MATCAP2: variants seen among roughly 807,000 people sequenced by gnomAD.
MATCAP2 encodes microtubule associated tyrosine carboxypeptidase 2.
At chr7:36,335,230 G>T in the MATCAP2 span, 1 of 1,547,606 alleles carries the variant, frequency 6.5e-7, no homozygotes, top group Non-Finnish European at 8.9e-7. Flanking sequence ...ATAAAGGTAA[G>T]GGGAGAAGCT....
At chr7:36,389,917 C>T in the MATCAP2 span, 94 of 1,597,180 alleles carry the variant, frequency 5.9e-5, no homozygotes, top group Non-Finnish European at 7.7e-5. Flanking sequence ...AGAGTTCCCC[C>T]GCCTCAGACT....
At chr7:36,356,560 G>A in the MATCAP2 span, 31 of 424,246 alleles carry the variant, frequency 7.3e-5, no homozygotes, top group East Asian at 1.9e-4. Flanking sequence ...AAACAAAAAC[G>A]TAGTGTGGGC....
chr7:36,367,989 C>T, the MATCAP2 span, among the ~76,000 whole-genome samples: 1 of 151,520 alleles, frequency 6.6e-6, no homozygotes, highest in Admixed American at 6.6e-5. Flanking sequence ...TGCTTGAGTC[C>T]GAGAGGTGAG....
the MATCAP2 span, chr7:36,326,218 T>C: frequency 2.0e-5 from 3 of 152,050 alleles, no homozygotes; most frequent in East Asian, 5.8e-4. Context: ...TAATGAAAAA[T>C]TTTCAAATTG....
chr7:36,324,943 AAAGT>A, the MATCAP2 span: 1 of 152,254 alleles, frequency 6.6e-6, no homozygotes, highest in South Asian at 2.1e-4. Flanking sequence ...TTTAAATCAT[AAAGT>A]AAGATTAGCA....
At chr7:36,378,175 G>T in the MATCAP2 span, among the ~76,000 whole-genome samples, 1 of 152,208 alleles carries the variant, frequency 6.6e-6, no homozygotes, top group Non-Finnish European at 1.5e-5. Flanking sequence ...CTTTAGAGAA[G>T]AGGTGCTCTG....
At chr7:36,343,636 AAAAG>A in the MATCAP2 span, among the ~76,000 whole-genome samples, 2 of 25,716 alleles carry the variant, frequency 7.8e-5, no homozygotes, top group Non-Finnish European at 1.0e-4. Flanking sequence ...AAAGAAAAGA[AAAAG>A]AAAAAGAAAA....
chr7:36,354,033 T>C, the MATCAP2 span, among the ~76,000 whole-genome samples: 2 of 152,250 alleles, frequency 1.3e-5, no homozygotes, highest in African/African-American at 4.8e-5. Flanking sequence ...TTAGCACCTA[T>C]GAAGCACTGT....
the MATCAP2 span, among the ~76,000 whole-genome samples, chr7:36,364,044 CT>C: frequency 7.7e-3 from 1,077 of 140,226 alleles, 11 homozygotes; most frequent in East Asian, 0.042. Context: ...ATAATAAACC[CT>C]TTTTTTTTTT....
At chr7:36,385,777 C>A in the MATCAP2 span, among the ~76,000 whole-genome samples, 1 of 121,624 alleles carries the variant, frequency 8.2e-6, no homozygotes, top group South Asian at 2.7e-4. Flanking sequence ...CAGAGCAAGA[C>A]CCTATTTCAA....
the MATCAP2 span, among the ~76,000 whole-genome samples, chr7:36,381,333 G>T: frequency 6.6e-6 from 1 of 152,242 alleles, no homozygotes; most frequent in South Asian, 2.1e-4. Context: ...AAAGGGAGGA[G>T]AAGGTCAGTA....
chr7:36,338,005 C>A, the MATCAP2 span, among the ~76,000 whole-genome samples: 2 of 152,088 alleles, frequency 1.3e-5, no homozygotes, highest in African/African-American at 4.8e-5. Context: ...CAGGCTCATG[C>A]CCTTTAAACC....
chr7:36,381,165 G>A, the MATCAP2 span, among the ~76,000 whole-genome samples: 38 of 152,292 alleles, frequency 2.5e-4, no homozygotes, highest in African/African-American at 8.4e-4. Flanking sequence ...GGAGAAGGGA[G>A]GGGACTTGCA....
the MATCAP2 span, among the ~76,000 whole-genome samples, chr7:36,389,210 G>A: frequency 1.3e-5 from 2 of 152,200 alleles, no homozygotes; most frequent in East Asian, 3.9e-4. Flanking sequence ...AGAGGCACGC[G>A]CCACCATGCC....
chr7:36,358,045 A>C, the MATCAP2 span, among the ~76,000 whole-genome samples: 1 of 152,086 alleles, frequency 6.6e-6, no homozygotes, highest in Non-Finnish European at 1.5e-5. Flanking sequence ...AAAAAATACA[A>C]AAATTAGCCA....
At chr7:36,351,334 T>C in the MATCAP2 span, among the ~76,000 whole-genome samples, 1 of 152,078 alleles carries the variant, frequency 6.6e-6, no homozygotes, top group Non-Finnish European at 1.5e-5. Flanking sequence ...AGATGGAGAT[T>C]GCAGTGAGCC....
chr7:36,356,310 T>C, the MATCAP2 span: 1 of 155,344 alleles, frequency 6.4e-6, no homozygotes, highest in East Asian at 1.9e-4. Flanking sequence ...AGATCAGGAG[T>C]TCAAGACCAG....
chr7:36,349,231 G>C, the MATCAP2 span, among the ~76,000 whole-genome samples: 1 of 152,164 alleles, frequency 6.6e-6, no homozygotes, highest in Non-Finnish European at 1.5e-5. Context: ...GCAGTGTGGA[G>C]AGCAGGGGAG....
At chr7:36,356,056 T>G in the MATCAP2 span, 1 of 152,252 alleles carries the variant, frequency 6.6e-6, no homozygotes, top group Non-Finnish European at 1.5e-5. Flanking sequence ...GAATAAGTGC[T>G]TAAATATTTA....
Sources: gnomAD v4.1 joint callset for allele counts (sites outside exome capture counted in the v4.1 genomes callset) on GRCh38, gnomAD v4.1.1 for gene constraint, MANE v1.5 for transcripts, NCBI Gene and HGNC (gene_info 2026-07-23, HGNC 2026-07-21) for gene names.